Variants in KIF21A observed in about 807,000 individuals in gnomAD.
KIF21A encodes kinesin family member 21A, also known as kinesin-like protein KIF21A.
A neutral mutation model predicts 202.9 loss-of-function variants in KIF21A; 114 were observed. That is an observed-to-expected ratio of 0.56 (90% CI 0.48 to 0.66). KIF21A has a LOEUF of 0.66. KIF21A is among the 30% of genes least tolerant of loss of function. The pLI is 0.00. For synonymous variants in KIF21A, 667 were observed against 670.8 expected (o/e 0.99, Z 0.09); for missense variants, 1,677 against 1,994.9 (o/e 0.84, Z 3.04).
rs1944034789 is a variant in KIF21A, at chr12:39,311,558, G to A, written c.3960-5C>T. The A allele has an allele frequency of 6.2e-7, 1 of 1,612,308 alleles. No homozygotes were observed. Among genetic ancestry groups the A allele is most frequent in the South Asian group, 1.1e-5 (1 of 91,052 alleles). On this transcript the variant is annotated splice_polypyrimidine_tract_variant and splice_region_variant and intron_variant, in intron 31 of 37. Transcript: ENST00000361418. ...GGAAATGGGTTGATTATGCCCCTAA[G>A]GTGGGGAAAAAACAAACAAACCAAG...
At chr12:39,416,826 CATATAT>C (rs1953781077) in intron 1 of KIF21A, among the ~76,000 whole-genome samples, 1 of 124,760 alleles carries the variant, frequency 8.0e-6, no homozygotes, top group Non-Finnish European at 1.6e-5. Context: ...TATATATGTA[CATATAT>C]GTGTATATAT....
At chr12:39,353,680 T>C (rs988370269) in intron 10 of KIF21A, among the ~76,000 whole-genome samples, 1 of 152,136 alleles carries the variant, frequency 6.6e-6, no homozygotes, top group African/African-American at 2.4e-5. Context: ...ATAATGTAGG[T>C]ATTTTATTTT....
chr12:39,305,191 C>G (rs1225281497), intron 34 of KIF21A, among the ~76,000 whole-genome samples: 1 of 151,606 alleles, frequency 6.6e-6, no homozygotes, highest in Non-Finnish European at 1.5e-5. Context: ...CATGGTGAAA[C>G]CCCGTCTCTA....
chr12:39,367,853 GCT>G, intron 4 of KIF21A, 28 bp downstream of exon 4: 1 of 1,570,268 alleles, frequency 6.4e-7, no homozygotes. Flanking sequence ...AGCCAACTAT[GCT>G]CTGTTTTAAC....
intron 37 of KIF21A, 62 bp from the exon 38 acceptor site, chr12:39,294,579 C>A: frequency 8.6e-7 from 1 of 1,161,128 alleles, no homozygotes; most frequent in South Asian, 1.2e-5. Context: ...AGAAATAGCT[C>A]TTATAATTAC....
intron 11 of KIF21A, among the ~76,000 whole-genome samples, chr12:39,349,769 A>C (rs962018362): frequency 2.0e-5 from 3 of 152,106 alleles, no homozygotes; most frequent in African/African-American, 7.2e-5. Flanking sequence ...ATTTGATTAT[A>C]GTGTGGTAAG....
intron 1 of KIF21A, among the ~76,000 whole-genome samples, chr12:39,423,578 C>T (rs900483199): frequency 1.3e-5 from 2 of 151,910 alleles, no homozygotes; most frequent in African/African-American, 4.8e-5. Context: ...GGCTGGGCGC[C>T]GTGGCTCACG....
intron 15 of KIF21A, 110 bp from the exon 16 acceptor site, chr12:39,340,474 T>A: frequency 1.3e-6 from 1 of 770,704 alleles, no homozygotes; most frequent in Non-Finnish European, 2.2e-6. Flanking sequence ...AACACCCACA[T>A]CTCAGAAGAC....
intron 6 of KIF21A, among the ~76,000 whole-genome samples, 186 bp from the exon 7 acceptor site, chr12:39,363,399 T>C (rs1407521837): frequency 6.6e-6 from 1 of 152,034 alleles, no homozygotes; most frequent in Admixed American, 6.6e-5. Flanking sequence ...TAGTACTATA[T>C]ATAATACCGT....
At chr12:39,326,131 C>T in intron 25 of KIF21A, 133 bp downstream of exon 25, 1 of 761,094 alleles carries the variant, frequency 1.3e-6, no homozygotes. Flanking sequence ...TTTCTATTTA[C>T]TGTTTCTAAG....
intron 10 of KIF21A, 43 bp downstream of exon 10, chr12:39,356,788 CA>C: frequency 1.1e-6 from 1 of 890,668 alleles, no homozygotes; most frequent in South Asian, 1.4e-5. Flanking sequence ...TTGCAAAATC[CA>C]AAACAAACAT....
Position 39,351,819 on chromosome 12 carries a change from T to A in KIF21A, c.1631A>T (p.Asp544Val), listed in dbSNP as rs964475807. ...TIEIIDLAKK[D>V]LEKLKRKEKR... is the part of the protein sequence containing the mutation. ...TTCTTTTCTTTTCAACTTCTCTAAATCTTTTTTTGCTAGGTCTATAATTTC... is the reference window on the plus strand; with the variant it reads ...TTCTTTTCTTTTCAACTTCTCTAAAACTTTTTTTGCTAGGTCTATAATTTC... Residue 544 changes from aspartate to valine, a missense_variant, in exon 11 of 38, where the codon GAT becomes GTT. Physicochemically the swap from Asp to Val is radical, Grantham distance 152. Coordinates refer to ENST00000361418, the MANE Select transcript of KIF21A (RefSeq NM_001173464.2). The A allele has an allele frequency of 3.7e-6, 6 of 1,602,056 alleles. No homozygotes were observed. The African/African-American group carries it at 8.0e-5, about 21-fold the overall frequency.
intron 1 of KIF21A, among the ~76,000 whole-genome samples, chr12:39,412,446 G>A (rs1005678300): frequency 1.3e-5 from 2 of 152,198 alleles, no homozygotes; most frequent in Admixed American, 6.5e-5. Context: ...CCCAGGTGTG[G>A]TGGCTCATGC....
At chr12:39,438,379 T>A (rs1201348282) in intron 1 of KIF21A, among the ~76,000 whole-genome samples, 1 of 152,172 alleles carries the variant, frequency 6.6e-6, no homozygotes, top group African/African-American at 2.4e-5. Flanking sequence ...ACTAAAATCA[T>A]ATTTAACAGA....
intron 1 of KIF21A, among the ~76,000 whole-genome samples, chr12:39,397,805 T>C (rs1484527279): frequency 3.3e-5 from 5 of 152,194 alleles, no homozygotes; most frequent in African/African-American, 7.2e-5. Flanking sequence ...CACATGGCCA[T>C]AGCAACTCAA....
At chr12:39,362,965 T>C in intron 7 of KIF21A, 133 bp downstream of exon 7, 1 of 625,340 alleles carries the variant, frequency 1.6e-6, no homozygotes, top group Non-Finnish European at 2.9e-6. Context: ...TTGAGATCCT[T>C]AACAGTATAA....
Position 39,386,849 on chromosome 12 carries a change from G to A in KIF21A, c.45-16588C>T, listed in dbSNP as rs12306647. Reference sequence around the variant, plus strand: ...TTCTTCTATATTCCTTACTAACCCAGTTAAAGCAAGAGGTTCAGAAGACAC... The same window carrying A: ...TTCTTCTATATTCCTTACTAACCCAATTAAAGCAAGAGGTTCAGAAGACAC... On this transcript the variant is annotated intron_variant, in intron 1 of 37. Coordinates refer to ENST00000361418, the MANE Select transcript of KIF21A (RefSeq NM_001173464.2). 6.0e-3 allele frequency among the ~76,000 whole-genome samples: 910 copies of A among 152,200 alleles called. 12 individuals carry two copies. The highest frequency in any genetic ancestry group is 0.021 in the African/African-American group (862 of 41,520).
chr12:39,375,226 TTAAAA>T (rs1454829667), intron 1 of KIF21A, among the ~76,000 whole-genome samples: 1 of 152,198 alleles, frequency 6.6e-6, no homozygotes, highest in Admixed American at 6.5e-5. Context: ...AACAAAAGTT[TTAAAA>T]TAAAGTATTT....
intron 1 of KIF21A, among the ~76,000 whole-genome samples, chr12:39,382,342 C>G (rs953266450): frequency 6.6e-6 from 1 of 152,064 alleles, no homozygotes. Context: ...AAAATTCCTG[C>G]ACATGATAAG....
Sources: allele counts gnomAD v4.1 joint callset (sites outside exome capture counted in the v4.1 genomes callset), GRCh38; gene constraint gnomAD v4.1.1; transcripts MANE v1.5; gene names NCBI Gene and HGNC (gene_info 2026-07-23, HGNC 2026-07-21).